Variants in ZNF143 observed in about 807,000 individuals in gnomAD.
ZNF143 encodes SPH-binding factor.
Under a neutral mutation model 74.1 loss-of-function variants are expected in ZNF143, and 49 were observed. The observed-to-expected ratio is 0.66, with a 90% CI of 0.53 to 0.84. The LOEUF is 0.84. Ranked by LOEUF, ZNF143 falls within the 40% of genes least tolerant of loss-of-function variation. The probability of loss-of-function intolerance (pLI) is 0.00; values close to 1 mark genes in which losing one functional copy is unlikely to be tolerated. For synonymous variants in ZNF143, 304 were observed against 282.8 expected (o/e 1.07, Z -0.75); for missense variants, 637 against 793.4 (o/e 0.80, Z 2.37).
intron 7 of ZNF143, among the ~76,000 whole-genome samples, chr11:9,488,138 C>T (rs1400856522): frequency 6.6e-6 from 1 of 152,064 alleles, no homozygotes; most frequent in Non-Finnish European, 1.5e-5. Flanking sequence ...TAGTCCCAGC[C>T]GTTGGGGAGG....
At chr11:9,490,429 A>C (rs1847729993) in intron 7 of ZNF143, among the ~76,000 whole-genome samples, 1 of 151,456 alleles carries the variant, frequency 6.6e-6, no homozygotes. Context: ...GATGACAGGC[A>C]CGTACCACCA....
Position 9,526,788 on chromosome 11 carries a change from C to T in ZNF143, c.1834-742C>T, listed in dbSNP as rs535000086. Reference sequence around the variant, plus strand: ...TCCCAAGTAAATTGCAGGCCAGGCACGGCAGGCTGGGAGTACAGGTGCACG... The same window carrying T: ...TCCCAAGTAAATTGCAGGCCAGGCATGGCAGGCTGGGAGTACAGGTGCACG... On this transcript the variant is annotated intron_variant, in intron 15 of 15. Transcript: ENST00000396602. Among the ~76,000 whole-genome samples, 77 of 152,180 alleles carry T rather than the reference C, an allele frequency of 5.1e-4. 1 individual carries two copies. Among genetic ancestry groups the T allele is most frequent in the African/African-American group, 1.7e-3 (72 of 41,540 alleles).
chr11:9,471,256 C>T, intron 1 of ZNF143, 46 bp from the exon 2 acceptor site: 2 of 1,448,320 alleles, frequency 1.4e-6, no homozygotes, highest in Non-Finnish European at 9.5e-7. Flanking sequence ...ACTTTCATTT[C>T]ACATGTATCA....
At position 9,501,160 on chromosome 11, in the gene ZNF143, T is replaced by G; in HGVS notation, c.1037T>G (p.Val346Gly). ...RSFTTSNIRK[V>G]HVRTHTGERP... ...TTTACAACATCAAATATCAGAAAAGTGCACGTTAGGACACACACAGGAGAA... is the reference window on the plus strand; with the variant it reads ...TTTACAACATCAAATATCAGAAAAGGGCACGTTAGGACACACACAGGAGAA... The change falls in exon 11 of 16, where the codon GTG becomes GGG. Residue 346 changes from valine to glycine, a missense_variant. Physicochemically the swap from Val to Gly is moderately radical, Grantham distance 109. Around this residue, in one of 2 missense-constraint regions of ZNF143, gnomAD observed 344 missense variants for 485.6 expected, o/e 0.71. Transcript: ENST00000396602. The G allele has an allele frequency of 1.2e-6, 2 of 1,614,164 alleles. No homozygotes were observed. The highest frequency in any genetic ancestry group is 1.7e-6 in the Non-Finnish European group (2 of 1,180,032).
intron 12 of ZNF143, 137 bp from the exon 13 acceptor site, chr11:9,512,311 T>A (rs1234853716): frequency 3.5e-6 from 4 of 1,130,710 alleles, no homozygotes. Context: ...AAGGAGGTCC[T>A]GGAAGCCATT....
intron 8 of ZNF143, 118 bp downstream of exon 8, chr11:9,494,883 C>T (rs1847906352): frequency 9.9e-7 from 1 of 1,008,580 alleles, no homozygotes. Flanking sequence ...AAGATACTGG[C>T]ACTTGGTCAC....
Position 9,471,771 on chromosome 11 carries a change from C to G in ZNF143, c.112+351C>G, listed in dbSNP as rs893340641. On this transcript the variant is annotated intron_variant, in intron 2 of 15. Coordinates refer to ENST00000396602, the MANE Select transcript of ZNF143 (RefSeq NM_003442.6). The stretch of plus-strand genomic sequence containing the variant: ...TTCACCACGTTGGCCAGGCTGGTCT[C>G]AAACTCCTGACCTCAGGTAATCAAC... Among the ~76,000 whole-genome samples the G allele has an allele frequency of 2.0e-5, 3 of 152,032 alleles. No homozygotes were observed. The East Asian group carries it at 5.8e-4, about 29-fold the overall frequency.
intron 14 of ZNF143, among the ~76,000 whole-genome samples, chr11:9,517,461 G>A (rs1848763857): frequency 6.6e-6 from 1 of 152,098 alleles, no homozygotes; most frequent in Admixed American, 6.6e-5. Flanking sequence ...GATTGCTGGT[G>A]CAAAGATACA....
rs190567910 is a variant in ZNF143, at chr11:9,466,581, C to T, written c.-7-4721C>T. On this transcript the variant is annotated intron_variant, in intron 1 of 15. Coordinates refer to ENST00000396602, the MANE Select transcript of ZNF143 (RefSeq NM_003442.6). ...AAAGTGCTGGGATTACAGATGTGAG[C>T]CACCACTCCCGGCATAATTTTTTCC... 7.5e-4 allele frequency among the ~76,000 whole-genome samples: 114 copies of T among 152,152 alleles called. No individual in the cohort carries two copies. In the Middle Eastern group the frequency reaches 0.01, roughly 14 times the overall value.
In ZNF143 at chr11:9,519,185, A is replaced by G. The variant is rs142964100; in HGVS notation, c.1686+2823A>G. 4.9e-4 allele frequency among the ~76,000 whole-genome samples: 74 copies of G among 151,842 alleles called. 1 individual carries two copies. Among genetic ancestry groups the G allele is most frequent in the Middle Eastern group, 3.4e-3 (1 of 294 alleles). ...AGTCAGTACTCACTCTCCTTAGGCA[A>G]AAACTGTTGTGATTGAATTAGTTTT... On this transcript the variant is annotated intron_variant, in intron 14 of 15. Transcript: ENST00000396602.
chr11:9,501,443 CAACA>C (rs1459813781), intron 11 of ZNF143, among the ~76,000 whole-genome samples, 173 bp downstream of exon 11: 1 of 152,160 alleles, frequency 6.6e-6, no homozygotes, highest in African/African-American at 2.4e-5. Flanking sequence ...TTCATTTATT[CAACA>C]AACAGTTATT....
intron 15 of ZNF143, among the ~76,000 whole-genome samples, chr11:9,525,653 CA>C (rs1849099713): frequency 6.6e-6 from 1 of 152,158 alleles, no homozygotes; most frequent in Admixed American, 6.5e-5. Context: ...CCCACCCAGG[CA>C]TCTTTACTCT....
intron 12 of ZNF143, 42 bp from the exon 13 acceptor site, chr11:9,512,402 CAAAT>C (rs1174952176): frequency 1.3e-6 from 2 of 1,584,542 alleles, no homozygotes; most frequent in Non-Finnish European, 1.7e-6. Flanking sequence ...ATTTTCTAAA[CAAAT>C]TGGTTGGTTG....
At position 9,484,466 on chromosome 11, in the gene ZNF143, C is replaced by T. The variant is rs370892551; in HGVS notation, c.645+4920C>T. 1.7e-4 allele frequency among the ~76,000 whole-genome samples: 25 copies of T among 151,346 alleles called. No individual in the cohort carries two copies. The East Asian group carries it at 2.1e-3, about 13-fold the overall frequency. On this transcript the variant is annotated intron_variant, in intron 7 of 15. Coordinates refer to ENST00000396602, the MANE Select transcript of ZNF143 (RefSeq NM_003442.6). ...CTGACCTCAAGTGATCCACCTGCCTCGGCCTCCCAAAGTGCTGGGATTTCA... is the reference window on the plus strand; with the variant it reads ...CTGACCTCAAGTGATCCACCTGCCTTGGCCTCCCAAAGTGCTGGGATTTCA...
rs1211978029 is a variant in ZNF143, at chr11:9,482,276, CT to C, written c.645+2742del. Among the ~76,000 whole-genome samples, 616 of 93,130 alleles carry C rather than the reference CT, an allele frequency of 6.6e-3. 15 individuals are homozygous for C. The highest frequency in any genetic ancestry group is 0.02 in the African/African-American group (484 of 23,656). The allele number at this position is 93,130 out of a possible 152,430, so 61.1% of individuals were successfully genotyped here. A position where few individuals can be genotyped will look rare whatever the true frequency, so the allele number is the denominator to read the frequency against. On this transcript the variant is annotated intron_variant, in intron 7 of 15. Coordinates refer to ENST00000396602, the MANE Select transcript of ZNF143 (RefSeq NM_003442.6). ...TGAGCTACTGTACCCGGCCCCAACT[CT>C]TTTTTTTTTTTAAGACGGTGTCTCG...
At chr11:9,478,274 T>C (rs915866679) in intron 5 of ZNF143, 116 bp from the exon 6 acceptor site, 10 of 981,112 alleles carry the variant, frequency 1.0e-5, no homozygotes, top group Non-Finnish European at 1.5e-6. Context: ...ATCAAGTGCG[T>C]GGTCCAGTAC....
intron 1 of ZNF143, among the ~76,000 whole-genome samples, chr11:9,469,678 T>G (rs1856458008): frequency 6.6e-6 from 1 of 152,142 alleles, no homozygotes; most frequent in Non-Finnish European, 1.5e-5. Context: ...CCCTTGACTT[T>G]TTCTTTAAAT....
rs181952447 is a variant in ZNF143, at chr11:9,462,412, T to A, written c.-8+1336T>A. 6.2e-3 allele frequency among the ~76,000 whole-genome samples: 943 copies of A among 151,946 alleles called. 11 individuals carry two copies. Among genetic ancestry groups the A allele is most frequent in the African/African-American group, 0.016 (645 of 41,446 alleles). On this transcript the variant is annotated intron_variant, in intron 1 of 15. Transcript: ENST00000396602. ...CCCTCCCATGTTTCTACAAAAAAAA[T>A]TTTTTTTAAGTGAAATCAGCGTGTG... is the stretch of plus-strand genomic sequence containing the variant.
intron 14 of ZNF143, among the ~76,000 whole-genome samples, chr11:9,523,252 C>T (rs1429133120): frequency 6.6e-6 from 1 of 151,798 alleles, no homozygotes; most frequent in Admixed American, 6.6e-5. Context: ...GCTATAAGGT[C>T]TTAGGGTGAA....
Sources: gnomAD v4.1 joint callset for allele counts (sites outside exome capture counted in the v4.1 genomes callset) on GRCh38, gnomAD v4.1.1 for gene constraint, gnomAD v4.1.1 regional missense constraint, MANE v1.5 for transcripts, NCBI Gene and HGNC (gene_info 2026-07-23, HGNC 2026-07-21) for gene names.